The following ANO4 variants were observed in gnomAD, a reference collection of about 807,000 sequenced individuals.
ANO4 encodes the protein anoctamin 4, also known as anoctamin-4.
In ANO4, 69 loss-of-function variants were observed where a neutral mutation model predicts 141.9. That is an observed-to-expected ratio of 0.49 (90% CI 0.40 to 0.59). The LOEUF (loss-of-function observed/expected upper bound fraction) is 0.59. ANO4 is among the 20% of genes least tolerant of loss of function. The pLI, the probability that ANO4 is intolerant of heterozygous loss-of-function variation, is 0.00. For synonymous variants in ANO4, 350 were observed against 394.3 expected (o/e 0.89, Z 1.33); for missense variants, 894 against 1,162.2 (o/e 0.77, Z 3.36).
chr12:100,793,736 G>A (rs532609515), upstream of ANO4, among the ~76,000 whole-genome samples: 1 of 152,240 alleles, frequency 6.6e-6, no homozygotes, highest in East Asian at 1.9e-4. Context: ...AATTAAACTG[G>A]CATTTAACTT....
chr12:101,063,115 A>G (rs1426966574), intron 14 of ANO4, among the ~76,000 whole-genome samples: 1 of 152,226 alleles, frequency 6.6e-6, no homozygotes, highest in Non-Finnish European at 1.5e-5. Context: ...ACAGTCCCTC[A>G]GGGCTTCTCT....
intron 22 of ANO4, among the ~76,000 whole-genome samples, chr12:101,108,585 G>A (rs2050540457): frequency 6.6e-6 from 1 of 152,064 alleles, no homozygotes; most frequent in African/African-American, 2.4e-5. Flanking sequence ...CTATATATGT[G>A]TAGTCATTGT....
At chr12:100,764,387 G>A (rs758179511) in intron 3 of ANO4, among the ~76,000 whole-genome samples, 7 of 152,128 alleles carry the variant, frequency 4.6e-5, no homozygotes, top group Admixed American at 1.3e-4. Context: ...ATGTGTTTAT[G>A]CCTCAGAGTT....
At chr12:100,784,280 C>CT in intron 3 of ANO4, among the ~76,000 whole-genome samples, 1 of 152,264 alleles carries the variant, frequency 6.6e-6, no homozygotes, top group East Asian at 1.9e-4. Context: ...TACTCTTTCT[C>CT]TAAGTCCCAA....
chr12:101,089,693 G>T (rs957789876), intron 17 of ANO4, among the ~76,000 whole-genome samples: 4 of 152,096 alleles, frequency 2.6e-5, no homozygotes, highest in African/African-American at 9.7e-5. Context: ...ATGGGCAAAG[G>T]CTTCATGACT....
chr12:101,029,333 A>C (rs2046872633), intron 9 of ANO4, among the ~76,000 whole-genome samples: 1 of 152,208 alleles, frequency 6.6e-6, no homozygotes, highest in Non-Finnish European at 1.5e-5. Flanking sequence ...ACATAACAAT[A>C]CTAACCTTAC....
intron 1 of ANO4, among the ~76,000 whole-genome samples, chr12:100,719,844 G>A (rs749058907): frequency 2.0e-5 from 3 of 151,992 alleles, no homozygotes; most frequent in Admixed American, 1.3e-4. Flanking sequence ...TGCTCTTTCC[G>A]CATTTTAGTA....
At chr12:101,077,315 G>A (rs1237590087) in intron 14 of ANO4, among the ~76,000 whole-genome samples, 1 of 152,164 alleles carries the variant, frequency 6.6e-6, no homozygotes, top group Admixed American at 6.5e-5. Context: ...TTTGCTCCAT[G>A]CACCTTTTCC....
intron 17 of ANO4, among the ~76,000 whole-genome samples, chr12:101,087,354 C>CAA (rs763741671): frequency 5.0e-4 from 65 of 129,272 alleles, no homozygotes; most frequent in East Asian, 2.0e-3. Context: ...CTTGTCTCTA[C>CAA]AAAAAAAAAA....
At position 101,110,407 on chromosome 12, in the gene ANO4, T is replaced by C. The variant is rs1315759823; in HGVS notation, c.2153T>C (p.Leu718Pro). The C allele has an allele frequency of 6.2e-7, 1 of 1,604,012 alleles. No homozygotes were observed. Residue 718 changes from leucine (L) to proline (P), a missense_variant, in exon 23 of 28, where the codon CTT becomes CCT. Coordinates refer to ENST00000392977, the MANE Select transcript of ANO4 (RefSeq NM_001286615.2). ...TTTTTCCTTTTTTCTTTTCTAGTTC[T>C]TCAGTTTGGATTCACAACTATCTTT... is the stretch of plus-strand genomic sequence containing the variant. ...GLFDEYLEMILQFGFTTIFVA... is the reference protein window; with the variant it reads ...GLFDEYLEMIPQFGFTTIFVA...
intron 3 of ANO4, among the ~76,000 whole-genome samples, chr12:100,770,166 T>A (rs927127720): frequency 6.6e-6 from 1 of 152,246 alleles, no homozygotes; most frequent in African/African-American, 2.4e-5. Flanking sequence ...AGTTATAGAA[T>A]GTTTTAGCCA....
At chr12:101,074,704 A>G (rs1028187521) in intron 14 of ANO4, among the ~76,000 whole-genome samples, 13 of 152,216 alleles carry the variant, frequency 8.5e-5, no homozygotes, top group Non-Finnish European at 4.4e-5. Flanking sequence ...TAAGCTTCAA[A>G]CGTTGATACT....
At chr12:101,013,812 G>A (rs2046203012) in intron 8 of ANO4, among the ~76,000 whole-genome samples, 1 of 152,166 alleles carries the variant, frequency 6.6e-6, no homozygotes, top group Admixed American at 6.5e-5. Flanking sequence ...CAGTGCTGGA[G>A]TCTAGATTAA....
chr12:100,735,848 A>G (rs897869198), intron 2 of ANO4, among the ~76,000 whole-genome samples: 1 of 152,188 alleles, frequency 6.6e-6, no homozygotes, highest in Non-Finnish European at 1.5e-5. Context: ...ACGGAAAATT[A>G]GAAATATGGA....
intron 1 of ANO4, among the ~76,000 whole-genome samples, chr12:100,808,790 T>A (rs2035217915): frequency 6.6e-6 from 1 of 152,224 alleles, no homozygotes; most frequent in African/African-American, 2.4e-5. Flanking sequence ...TTTTCTTTTA[T>A]CTCTTCTGAC....
chr12:100,718,888 C>T (rs1051131125), intron 1 of ANO4, among the ~76,000 whole-genome samples: 11 of 152,148 alleles, frequency 7.2e-5, no homozygotes, highest in African/African-American at 2.4e-4. Context: ...TATTTTTACA[C>T]CTTTTCCTAT....
chr12:100,846,833 C>T (rs775642514), intron 1 of ANO4, among the ~76,000 whole-genome samples: 3 of 152,094 alleles, frequency 2.0e-5, no homozygotes, highest in Non-Finnish European at 2.9e-5. Context: ...CATGTTTTAT[C>T]TCGTTTCTAT....
At chr12:100,986,336 A>G (rs1273712730) in intron 7 of ANO4, among the ~76,000 whole-genome samples, 8 of 152,114 alleles carry the variant, frequency 5.3e-5, no homozygotes, top group Admixed American at 4.6e-4. Context: ...GAGAAGATGG[A>G]TGTTCCATCT....
rs368173611 is a variant in ANO4 at position 101,055,772 on chromosome 12, T to C, written c.1312+7371T>C. 2.6e-5 allele frequency among the ~76,000 whole-genome samples: 4 copies of C among 152,318 alleles called. No homozygotes were observed. In the South Asian group the frequency reaches 8.3e-4, roughly 32 times the overall value. ...GTTTCTAAGATTTTCGTCTATATTG[T>C]CTTCTAAAAAGCTTATCGTTTTAGC... On this transcript the variant is annotated intron_variant, in intron 14 of 27. Coordinates refer to ENST00000392977, the MANE Select transcript of ANO4 (RefSeq NM_001286615.2).
Sources: gnomAD v4.1 joint callset for allele counts (sites outside exome capture counted in the v4.1 genomes callset) on GRCh38, gnomAD v4.1.1 for gene constraint, MANE v1.5 for transcripts, NCBI Gene and HGNC (gene_info 2026-07-23, HGNC 2026-07-21) for gene names.